The following NRG1 variants were observed in gnomAD, a reference collection of about 807,000 sequenced individuals.
NRG1 encodes pro-neuregulin-1, membrane-bound isoform.
In NRG1, 18 loss-of-function variants were observed where a neutral mutation model predicts 63.8. That is an observed-to-expected ratio of 0.28 (90% CI 0.19 to 0.42). The LOEUF (loss-of-function observed/expected upper bound fraction) is 0.42, where lower values mean the gene tolerates loss of function less well. NRG1 is among the 10% of genes least tolerant of loss of function. The probability of loss-of-function intolerance (pLI) is 1.00; values close to 1 mark genes in which losing one functional copy is unlikely to be tolerated. For missense variants in NRG1, 762 were observed against 814.7 expected, an observed-to-expected ratio of 0.94 and a Z score of 0.79; for synonymous variants, 302 against 301.3, an observed-to-expected ratio of 1.00 and a Z score of -0.02.
chr8:31,775,547 T>C (rs1048498021), intron 1 of NRG1, among the ~76,000 whole-genome samples: 2 of 152,146 alleles, frequency 1.3e-5, no homozygotes, highest in African/African-American at 4.8e-5. Context: ...CTACACAGTA[T>C]ATCAATGGAA....
intron 1 of NRG1, among the ~76,000 whole-genome samples, chr8:32,000,256 T>A (rs2129640045): frequency 6.6e-6 from 1 of 152,098 alleles, no homozygotes; most frequent in South Asian, 2.1e-4. Flanking sequence ...AACTGAACTG[T>A]GGGTTTTTGT....
chr8:32,478,569 T>A (rs1214578767), intron 1 of NRG1, among the ~76,000 whole-genome samples: 1 of 152,196 alleles, frequency 6.6e-6, no homozygotes, highest in Non-Finnish European at 1.5e-5. Context: ...TATCCTAAAA[T>A]CTTATAGCAC....
chr8:32,742,014 A>C lies in NRG1; in HGVS notation c.633-661A>C. 6.2e-7 allele frequency: 1 copy of C among 1,613,612 alleles called. No homozygotes were observed. Among genetic ancestry groups the C allele is most frequent in the Non-Finnish European group, 8.5e-7 (1 of 1,179,690 alleles). On this transcript the variant is annotated intron_variant, in intron 6 of 11. Coordinates refer to ENST00000356819, the Ensembl canonical transcript of NRG1. This position sits in a 1 kb window ranked among gnomAD's most constrained non-coding sequence, Gnocchi z 4.2. ...CCACATTTTTGCCCTCTAGGTGCCA[A>C]CCTGGATTCACTGGAGCAAGATGTA...
chr8:31,826,201 G>C lies in NRG1; in HGVS notation c.37+186770G>C, dbSNP rs1282828762. On this transcript the variant is annotated intron_variant, in intron 1 of 10. Coordinates refer to the NRG1 transcript ENST00000519301. The stretch of plus-strand genomic sequence containing the variant: ...AATAGGATTTGTATGAGAATTCTGG[G>C]ACATCCTCCAAGAGAGCAGATTCAG... Among the ~76,000 whole-genome samples, 5 of 152,120 alleles carry C rather than the reference G, an allele frequency of 3.3e-5. No homozygotes were observed. In the East Asian group the frequency reaches 9.6e-4, roughly 29 times the overall value.
At chr8:31,722,719 G>C (rs546165631) in intron 1 of NRG1, among the ~76,000 whole-genome samples, 1 of 152,224 alleles carries the variant, frequency 6.6e-6, no homozygotes, top group Admixed American at 6.5e-5. Context: ...GACACATAGA[G>C]TAAAAGAGTT....
chr8:32,439,546 A>C (rs2129487327), intron 1 of NRG1, among the ~76,000 whole-genome samples: 1 of 152,174 alleles, frequency 6.6e-6, no homozygotes, highest in Admixed American at 6.6e-5. Flanking sequence ...CACAATCTCG[A>C]CCTTTGCTCC....
intron 1 of NRG1, among the ~76,000 whole-genome samples, chr8:32,295,568 T>C (rs1416102394): frequency 2.0e-5 from 3 of 152,204 alleles, no homozygotes; most frequent in Non-Finnish European, 4.4e-5. Context: ...ATTTAAACTA[T>C]GTTCTTTGCA....
intron 1 of NRG1, among the ~76,000 whole-genome samples, chr8:32,478,419 C>A (rs1295596814): frequency 6.6e-6 from 1 of 152,172 alleles, no homozygotes. Context: ...AATGTAATAC[C>A]ATAAAAATGA....
At chr8:32,129,789 A>G (rs987702102) in intron 1 of NRG1, among the ~76,000 whole-genome samples, 3 of 152,012 alleles carry the variant, frequency 2.0e-5, no homozygotes, top group Non-Finnish European at 2.9e-5. Context: ...ATATGCATGC[A>G]TCTGTGTATA....
intron 5 of NRG1, among the ~76,000 whole-genome samples, chr8:32,650,286 C>T (rs1271831753): frequency 6.6e-6 from 1 of 151,948 alleles, no homozygotes; most frequent in African/African-American, 2.4e-5. Context: ...TTACTGCTGC[C>T]TAAAAGCATC....
intron 1 of NRG1, among the ~76,000 whole-genome samples, chr8:31,856,879 G>A (rs376402444): frequency 6.6e-6 from 1 of 152,180 alleles, no homozygotes; most frequent in African/African-American, 2.4e-5. Flanking sequence ...GCCGTGTGAG[G>A]TGTCAGTCTG....
chr8:32,429,186 T>C (rs2129486625), intron 1 of NRG1, among the ~76,000 whole-genome samples: 1 of 152,226 alleles, frequency 6.6e-6, no homozygotes, highest in South Asian at 2.1e-4. Flanking sequence ...ATGAATTGGG[T>C]TGTGATATAC....
chr8:32,758,575 CAAAAAAAAAAAAAA>C (rs35499101), intron 9 of NRG1, among the ~76,000 whole-genome samples: 3 of 74,524 alleles, frequency 4.0e-5, no homozygotes, highest in East Asian at 5.2e-4. Context: ...GACTCCATCT[CAAAAAAAAAAAAAA>C]AAAAAAAAAA....
At chr8:32,687,579 C>T (rs897260250) in intron 5 of NRG1, among the ~76,000 whole-genome samples, 8 of 152,186 alleles carry the variant, frequency 5.3e-5, no homozygotes, top group African/African-American at 1.9e-4. Context: ...AGACCGTGCT[C>T]CTCCCAGGCA....
At chr8:31,954,626 G>T (rs1223376887) in intron 1 of NRG1, among the ~76,000 whole-genome samples, 2 of 152,064 alleles carry the variant, frequency 1.3e-5, no homozygotes, top group Non-Finnish European at 2.9e-5. Flanking sequence ...ATATTTTGGT[G>T]CCTGTAATTG....
intron 1 of NRG1, among the ~76,000 whole-genome samples, chr8:32,132,903 C>T (rs562153089): frequency 9.9e-5 from 15 of 152,148 alleles, no homozygotes; most frequent in South Asian, 2.1e-4. Flanking sequence ...TCAGATTCTG[C>T]GGTATATAAA....
intron 1 of NRG1, among the ~76,000 whole-genome samples, chr8:31,685,215 A>G (rs910468467): frequency 6.6e-5 from 10 of 152,194 alleles, no homozygotes; most frequent in Admixed American, 2.0e-4. Context: ...AACCATGGTT[A>G]ATGGACATGG....
chr8:32,157,358 C>CAAAAA (rs11434397), intron 1 of NRG1, among the ~76,000 whole-genome samples: 2 of 58,580 alleles, frequency 3.4e-5, no homozygotes, highest in South Asian at 6.5e-4. Flanking sequence ...GACTCTGTCT[C>CAAAAA]AAAAAAAAAA....
chr8:32,279,079 C>T (rs1852414769), intron 1 of NRG1, among the ~76,000 whole-genome samples: 5 of 152,206 alleles, frequency 3.3e-5, no homozygotes, highest in Non-Finnish European at 1.5e-5. Context: ...ATCAGATTCT[C>T]CCTATACGCA....
Sources: allele counts gnomAD v4.1 joint callset (sites outside exome capture counted in the v4.1 genomes callset), GRCh38; gene constraint gnomAD v4.1.1; non-coding constraint Gnocchi (gnomAD v3.1); transcripts MANE v1.5; gene names NCBI Gene and HGNC (gene_info 2026-07-23, HGNC 2026-07-21).